PRDM16: variants seen among roughly 807,000 people sequenced by gnomAD.
PRDM16 encodes the protein PR/SET domain 16, also known as histone-lysine N-methyltransferase PRDM16.
A neutral mutation model predicts 110.6 loss-of-function variants in PRDM16; 23 were observed. That is an observed-to-expected ratio of 0.21 (90% CI 0.15 to 0.29). PRDM16 has a LOEUF of 0.29. Ranked by LOEUF, PRDM16 falls within the 10% of genes least tolerant of loss-of-function variation. The pLI is 1.00. For synonymous variants in PRDM16, 799 were observed against 781.8 expected, an observed-to-expected ratio of 1.02 and a Z score of -0.37; for missense variants, 1,615 against 1,794.3, an observed-to-expected ratio of 0.90 and a Z score of 1.81.
chr1:3,432,524 C>G (rs1638796205), intron 16 of PRDM16, among the ~76,000 whole-genome samples: 1 of 152,244 alleles, frequency 6.6e-6, no homozygotes, highest in African/African-American at 2.4e-5. Context: ...GGGGGAAGAG[C>G]TGTCCAGCCG....
chr1:3,071,968 C>T (rs1384563251), intron 1 of PRDM16, among the ~76,000 whole-genome samples: 39 of 152,172 alleles, frequency 2.6e-4, no homozygotes, highest in Admixed American at 2.3e-3. Flanking sequence ...CAAATGGTGG[C>T]GGCTCCGGGG....
intron 2 of PRDM16, among the ~76,000 whole-genome samples, chr1:3,200,035 G>A (rs536320173): frequency 6.6e-6 from 1 of 152,374 alleles, no homozygotes; most frequent in South Asian, 2.1e-4. Flanking sequence ...GGTGCACATG[G>A]GTGAATGCTG....
At chr1:3,252,597 C>T (rs946282644) in intron 3 of PRDM16, among the ~76,000 whole-genome samples, 4 of 152,294 alleles carry the variant, frequency 2.6e-5, no homozygotes, top group Non-Finnish European at 2.9e-5. Flanking sequence ...TTAGAGAAAG[C>T]GCCTGCCCTG....
intron 1 of PRDM16, among the ~76,000 whole-genome samples, chr1:3,135,196 C>T (rs981492755): frequency 6.6e-6 from 1 of 152,340 alleles, no homozygotes; most frequent in South Asian, 2.1e-4. Context: ...GAACCCGAGT[C>T]AGCCCAGTCG....
At position 3,255,303 on chromosome 1, in the gene PRDM16, T is replaced by C. The variant is rs574664280; in HGVS notation, c.438+11166T>C. On this transcript the variant is annotated intron_variant, in intron 3 of 16. Transcript: ENST00000270722. The surrounding 1 kb of genome is among the most constrained non-coding windows in gnomAD (Gnocchi z 4.7). ...AATGGCAACAAAAGCCACCACACTC[T>C]TAAATGCAGGAGACGGTTTCCAAAT... 1.3e-5 allele frequency among the ~76,000 whole-genome samples: 2 copies of C among 152,282 alleles called. No individual in the cohort carries two copies. Among genetic ancestry groups the C allele is most frequent in the South Asian group, 4.1e-4 (2 of 4,824 alleles).
At chr1:3,394,350 A>G in intron 4 of PRDM16, 1 of 316,708 alleles carries the variant, frequency 3.2e-6, no homozygotes, top group Admixed American at 3.6e-5. Context: ...GGCCAGGCGG[A>G]GGATCCAGGA....
At chr1:3,169,020 A>T (rs1240964797) in intron 1 of PRDM16, among the ~76,000 whole-genome samples, 1 of 151,962 alleles carries the variant, frequency 6.6e-6, no homozygotes, top group Admixed American at 6.5e-5. Context: ...GATGAGTCCA[A>T]CAGAAGCCTC....
chr1:3,318,206 G>A (rs753072977), intron 3 of PRDM16, among the ~76,000 whole-genome samples: 54 of 152,164 alleles, frequency 3.5e-4, no homozygotes, highest in Admixed American at 5.9e-4. Context: ...GGGAAGACAC[G>A]TATAGGACTT....
chr1:3,330,694 C>G (rs1642024155), intron 3 of PRDM16, among the ~76,000 whole-genome samples: 1 of 152,254 alleles, frequency 6.6e-6, no homozygotes, highest in African/African-American at 2.4e-5. Flanking sequence ...GCAGAACAAA[C>G]AGCCCAGAGA....
intron 1 of PRDM16, among the ~76,000 whole-genome samples, chr1:3,078,653 T>A (rs1296363605): frequency 6.6e-6 from 1 of 152,222 alleles, no homozygotes; most frequent in Non-Finnish European, 1.5e-5. Context: ...TCAAATGAAA[T>A]TCGTTTCTCT....
intron 1 of PRDM16, among the ~76,000 whole-genome samples, chr1:3,096,173 T>C (rs913703037): frequency 6.6e-6 from 1 of 152,114 alleles, no homozygotes; most frequent in East Asian, 1.9e-4. Context: ...TGAACCCCCA[T>C]GTGGGCAGGA....
chr1:3,351,034 C>T (rs570911688), intron 3 of PRDM16, among the ~76,000 whole-genome samples: 2 of 152,342 alleles, frequency 1.3e-5, no homozygotes, highest in African/African-American at 2.4e-5. Context: ...GTTGGCGGCC[C>T]TCTGGGCAGG....
At chr1:3,406,050 G>A (rs774491218) in intron 8 of PRDM16, among the ~76,000 whole-genome samples, 3 of 152,196 alleles carry the variant, frequency 2.0e-5, no homozygotes, top group Non-Finnish European at 4.4e-5. Context: ...TGCCCTGCAC[G>A]TGACAGTCTC....
intron 12 of PRDM16, among the ~76,000 whole-genome samples, chr1:3,421,573 G>A (rs900931793): frequency 1.3e-5 from 2 of 152,172 alleles, no homozygotes; most frequent in Non-Finnish European, 2.9e-5. Context: ...TTCTCTGTCT[G>A]GGCCATTTAT....
intron 12 of PRDM16, among the ~76,000 whole-genome samples, chr1:3,422,395 G>A (rs1272712667): frequency 1.3e-5 from 2 of 152,192 alleles, no homozygotes; most frequent in Non-Finnish European, 2.9e-5. Flanking sequence ...AGTCAGGCAG[G>A]CAGACAGATT....
intron 3 of PRDM16, among the ~76,000 whole-genome samples, chr1:3,379,004 C>T (rs907393953): frequency 7.2e-5 from 11 of 151,810 alleles, no homozygotes; most frequent in African/African-American, 2.4e-4. Flanking sequence ...CAGGGGAGAC[C>T]CCACACCTGA....
chr1:3,233,804 C>T (rs959634282), intron 2 of PRDM16, among the ~76,000 whole-genome samples: 1 of 151,768 alleles, frequency 6.6e-6, no homozygotes, highest in Non-Finnish European at 1.5e-5. Flanking sequence ...TGCATTCTTG[C>T]GTCTCCAGGC....
chr1:3,131,396 G>A (rs1557470958), intron 1 of PRDM16, among the ~76,000 whole-genome samples: 1 of 152,186 alleles, frequency 6.6e-6, no homozygotes, highest in Non-Finnish European at 1.5e-5. Flanking sequence ...GTGAAGGAAT[G>A]TGAGGCGGCT....
At chr1:3,113,428 G>A (rs1044290012) in intron 1 of PRDM16, among the ~76,000 whole-genome samples, 1 of 151,610 alleles carries the variant, frequency 6.6e-6, no homozygotes, top group Non-Finnish European at 1.5e-5. Context: ...GGGATGCCCA[G>A]GACCTGCACT....
Sources: gnomAD v4.1 joint callset for allele counts (sites outside exome capture counted in the v4.1 genomes callset) on GRCh38, gnomAD v4.1.1 for gene constraint, Gnocchi (gnomAD v3.1) non-coding constraint, MANE v1.5 for transcripts, NCBI Gene and HGNC (gene_info 2026-07-23, HGNC 2026-07-21) for gene names.